Variants in NUP188 observed in about 807,000 individuals in gnomAD.
NUP188 encodes nucleoporin 188.
In NUP188, 97 loss-of-function variants were observed where a neutral mutation model predicts 223.0. The observed-to-expected ratio is 0.43, with a 90% CI of 0.37 to 0.51. The LOEUF (loss-of-function observed/expected upper bound fraction) is 0.51, where lower values mean the gene tolerates loss of function less well. Among genes scored for constraint, NUP188 ranks in the 20% least tolerant of loss-of-function variants. The pLI, the probability that NUP188 is intolerant of heterozygous loss-of-function variation, is 0.00. For synonymous variants in NUP188, 869 were observed against 828.0 expected (o/e 1.05, Z -0.85); for missense variants, 1,947 against 2,175.6 (o/e 0.89, Z 2.09).
At chr9:128,984,256 A>G (rs1057004991) in intron 19 of NUP188, among the ~76,000 whole-genome samples, 1 of 151,072 alleles carries the variant, frequency 6.6e-6, no homozygotes, top group African/African-American at 2.4e-5. Flanking sequence ...CCTCCCAAGT[A>G]GCTGGGATTA....
At chr9:128,971,972 A>T (rs1363689084) in intron 11 of NUP188, among the ~76,000 whole-genome samples, 3 of 151,560 alleles carry the variant, frequency 2.0e-5, no homozygotes, top group African/African-American at 7.3e-5. Flanking sequence ...GGGTTTCACC[A>T]TGTTGGCAAG....
intron 24 of NUP188, among the ~76,000 whole-genome samples, chr9:128,989,632 G>T (rs529847633): frequency 1.3e-5 from 2 of 152,220 alleles, no homozygotes; most frequent in East Asian, 3.9e-4. Context: ...TCGGGTTCAA[G>T]ACCAGCCTGG....
Position 129,005,180 on chromosome 9 carries a change from T to C in NUP188, c.4468T>C (p.Ser1490Pro), listed in dbSNP as rs759260417. The change falls in exon 39 of 44, where the codon TCT becomes CCT. Residue 1490 changes from serine (S) to proline (P), a missense_variant. Coordinates refer to ENST00000372577, the MANE Select transcript of NUP188 (RefSeq NM_015354.3). Reference protein sequence around the residue: ...NLGYLCQACTSLLHSRKMLQH... With the variant: ...NLGYLCQACTPLLHSRKMLQH... ...GGGTTACTTGTGCCAGGCATGTACC[T>C]CTCTCCTGCACAGTCGAAAGATGCT... 5 of 1,614,144 alleles carry C rather than the reference T, an allele frequency of 3.1e-6. No homozygotes were observed. The highest frequency in any genetic ancestry group is 2.2e-5 in the South Asian group (2 of 91,086).
At chr9:128,989,466 C>T (rs756419053) in intron 24 of NUP188, among the ~76,000 whole-genome samples, 12 of 151,992 alleles carry the variant, frequency 7.9e-5, no homozygotes, top group Non-Finnish European at 1.3e-4. Context: ...TTTGGGAGGC[C>T]GAGGTGGGCG....
intron 12 of NUP188, among the ~76,000 whole-genome samples, chr9:128,974,566 G>A (rs1038475196): frequency 1.3e-5 from 2 of 151,802 alleles, no homozygotes; most frequent in African/African-American, 2.4e-5. Context: ...ACTTATACCA[G>A]AGAAGACAAA....
chr9:129,005,447 T>C lies in NUP188; in HGVS notation c.4654T>C (p.Tyr1552His), dbSNP rs1175946876. The C allele has an allele frequency of 6.2e-7, 1 of 1,607,806 alleles. No homozygotes were observed. Among genetic ancestry groups the C allele is most frequent in the Non-Finnish European group, 8.5e-7 (1 of 1,179,998 alleles). The change falls in exon 40 of 44, where the codon TAT (tyrosine) becomes CAT (histidine). Residue 1552 changes from tyrosine to histidine, a missense_variant. Tyr to His is a moderately conservative substitution (Grantham distance 83). This residue lies in a region of NUP188 where 905 missense variants were observed against 990.6 expected (regional missense o/e 0.91). Coordinates refer to ENST00000372577, the MANE Select transcript of NUP188 (RefSeq NM_015354.3). The stretch of plus-strand genomic sequence containing the variant: ...GCAGCAGGCCTTGCACACAGTCCAG[T>C]ATGGCCTTCTCAAGATCCTCAGCAA... ...SEQQALHTVQ[Y>H]GLLKILSKTL... is the part of the protein sequence containing the mutation.
At chr9:128,973,285 C>T in intron 12 of NUP188, 36 bp downstream of exon 12, 2 of 1,458,702 alleles carry the variant, frequency 1.4e-6, no homozygotes, top group Non-Finnish European at 1.9e-6. Context: ...GTCTCTACTG[C>T]CCAGCTTTGC....
intron 19 of NUP188, among the ~76,000 whole-genome samples, chr9:128,984,397 A>T (rs561407882): frequency 6.6e-6 from 1 of 152,272 alleles, no homozygotes; most frequent in East Asian, 1.9e-4. Context: ...AAGTGCTGGG[A>T]TTACAGGCAT....
intron 30 of NUP188, among the ~76,000 whole-genome samples, chr9:128,997,285 G>T (rs188210772): frequency 6.6e-6 from 1 of 152,268 alleles, no homozygotes; most frequent in Admixed American, 6.5e-5. Flanking sequence ...GAGCACAGAT[G>T]GGACTGATAC....
chr9:128,962,336 C>T (rs1006537920), intron 8 of NUP188, among the ~76,000 whole-genome samples: 7 of 151,390 alleles, frequency 4.6e-5, no homozygotes, highest in African/African-American at 1.7e-4. Context: ...GCAAGCTCCA[C>T]CTCTCGGGTT....
intron 14 of NUP188, 46 bp downstream of exon 14, chr9:128,980,771 T>C (rs1409747344): frequency 1.3e-6 from 2 of 1,597,180 alleles, no homozygotes; most frequent in Non-Finnish European, 1.7e-6. Flanking sequence ...AGATTCTTTA[T>C]GGAGACTTTA....
chr9:128,979,826 G>A (rs1842231049), intron 13 of NUP188, among the ~76,000 whole-genome samples: 1 of 152,158 alleles, frequency 6.6e-6, no homozygotes, highest in South Asian at 2.1e-4. Context: ...TAGAGACGGG[G>A]TTTCACTATG....
chr9:128,956,808 C>T, intron 4 of NUP188, 144 bp from the exon 5 acceptor site: 15 of 570,718 alleles, frequency 2.6e-5, no homozygotes, highest in Non-Finnish European at 4.6e-5. Flanking sequence ...CTATTAGAGT[C>T]AGAATTGTTA....
At chr9:128,998,966 C>T (rs748440684) in intron 32 of NUP188, among the ~76,000 whole-genome samples, 39 of 151,080 alleles carry the variant, frequency 2.6e-4, no homozygotes, top group Non-Finnish European at 2.2e-4. Flanking sequence ...AAGTGATTCT[C>T]GTGCCTCAAC....
At chr9:128,964,536 ATTT>A (rs61518157) in intron 8 of NUP188, among the ~76,000 whole-genome samples, 9 of 122,856 alleles carry the variant, frequency 7.3e-5, no homozygotes, top group Non-Finnish European at 6.8e-5. Flanking sequence ...TAATTTTTGT[ATTT>A]TTTTTTTTTT....
At chr9:128,974,688 A>G (rs1267451228) in intron 12 of NUP188, among the ~76,000 whole-genome samples, 1 of 151,858 alleles carries the variant, frequency 6.6e-6, no homozygotes, top group African/African-American at 2.4e-5. Context: ...AATGTCAGAT[A>G]CTATTTAACT....
At chr9:128,983,643 T>C in intron 19 of NUP188, 93 bp downstream of exon 19, 1 of 922,302 alleles carries the variant, frequency 1.1e-6, no homozygotes, top group East Asian at 2.6e-5. Context: ...TATTTTTATG[T>C]ATTTGTTTGT....
rs1564567601 is a variant in NUP188, at chr9:129,001,479, TC to T, written c.3844-48del. ...GGCCCACCGCTGCCTGTCGTCCTCTTCCTCCTCCTCTTCTTCTTCCCCCTTT... is the reference window on the plus strand; with the variant it reads ...GGCCCACCGCTGCCTGTCGTCCTCTTCTCCTCCTCTTCTTCTTCCCCCTTT... On this transcript the variant is annotated intron_variant, in intron 34 of 43. Coordinates refer to ENST00000372577, the MANE Select transcript of NUP188 (RefSeq NM_015354.3). The T allele has an allele frequency of 2.5e-6, 4 of 1,579,026 alleles. No individual in the cohort carries two copies. The African/African-American group carries it at 4.0e-5, about 16-fold the overall frequency.
At chr9:128,949,490 G>A (rs145651276) in intron 2 of NUP188, among the ~76,000 whole-genome samples, 8 of 150,552 alleles carry the variant, frequency 5.3e-5, no homozygotes, top group African/African-American at 1.7e-4. Context: ...GCACCACCAC[G>A]CCCGACTAAT....
Sources: allele counts gnomAD v4.1 joint callset (sites outside exome capture counted in the v4.1 genomes callset), GRCh38; gene constraint gnomAD v4.1.1; regional missense constraint gnomAD v4.1.1; transcripts MANE v1.5; gene names NCBI Gene and HGNC (gene_info 2026-07-23, HGNC 2026-07-21).